The following EPC1 variants were observed in gnomAD, a reference collection of about 807,000 sequenced individuals.
The protein encoded by EPC1 is enhancer of polycomb 1, also known as enhancer of polycomb homolog 1.
In EPC1, 12 loss-of-function variants were observed where a neutral mutation model predicts 98.4. The observed-to-expected ratio is 0.12, with a 90% CI of 0.08 to 0.20. The LOEUF is 0.20. Among genes scored for constraint, EPC1 ranks in the 10% least tolerant of loss-of-function variants. EPC1 has a pLI of 1.00. For synonymous variants in EPC1, 357 were observed against 363.9 expected (o/e 0.98, Z 0.21); for missense variants, 729 against 990.5 (o/e 0.74, Z 3.54).
chr10:32,299,346 A>T (rs3121814), intron 2 of EPC1, among the ~76,000 whole-genome samples: 9 of 152,168 alleles, frequency 5.9e-5, no homozygotes, highest in Middle Eastern at 3.4e-3. Flanking sequence ...CCACCATGCC[A>T]GGCTAATTTT....
At chr10:32,332,052 A>T (rs771557417) in intron 1 of EPC1, among the ~76,000 whole-genome samples, 1 of 152,240 alleles carries the variant, frequency 6.6e-6, no homozygotes, top group African/African-American at 2.4e-5. Context: ...ATTTTTCCAG[A>T]ACTATTTAAA....
At chr10:32,297,540 G>A (rs1317161639) in intron 2 of EPC1, among the ~76,000 whole-genome samples, 1 of 151,956 alleles carries the variant, frequency 6.6e-6, no homozygotes, top group Non-Finnish European at 1.5e-5. Flanking sequence ...GCCCGCCTTG[G>A]CCTCCCAAAG....
chr10:32,290,505 A>AAAAAAAAAAAAAAAAGAAAG (rs1554819136), intron 6 of EPC1, among the ~76,000 whole-genome samples: 7 of 77,524 alleles, frequency 9.0e-5, no homozygotes, highest in African/African-American at 3.9e-4. Flanking sequence ...AAAAAAAAAA[A>AAAAAAAAAAAAAAAAGAAAG]AAAGAAAGAA....
chr10:32,347,186 C>G, upstream of EPC1: 3 of 1,288,050 alleles, frequency 2.3e-6, no homozygotes, highest in Non-Finnish European at 2.0e-6. Flanking sequence ...CCAGCCATTC[C>G]CCACACTGCA....
At chr10:32,351,136 T>C (rs2133082027), upstream of EPC1, among the ~76,000 whole-genome samples, 1 of 152,330 alleles carries the variant, frequency 6.6e-6, no homozygotes, top group East Asian at 1.9e-4. Flanking sequence ...TCACAATGCA[T>C]GTCACCAAGT....
At chr10:32,340,969 T>C (rs1301990378) in intron 1 of EPC1, among the ~76,000 whole-genome samples, 4 of 152,240 alleles carry the variant, frequency 2.6e-5, no homozygotes, top group African/African-American at 9.6e-5. Flanking sequence ...TCCAAAAGTC[T>C]ACTTTAAAAG....
intron 3 of EPC1, 52 bp from the exon 4 acceptor site, chr10:32,293,246 T>G (rs1394308015): frequency 7.4e-7 from 1 of 1,344,200 alleles, no homozygotes; most frequent in South Asian, 1.3e-5. Context: ...ACAAGGTTCA[T>G]AAGTATTTAC....
chr10:32,305,541 A>G (rs761294203), intron 2 of EPC1, among the ~76,000 whole-genome samples: 27 of 151,682 alleles, frequency 1.8e-4, no homozygotes, highest in Non-Finnish European at 3.7e-4. Context: ...CTAAAGCAGC[A>G]TAAGATTGTA....
chr10:32,312,806 T>C (rs1264781987), intron 1 of EPC1, among the ~76,000 whole-genome samples: 1 of 152,102 alleles, frequency 6.6e-6, no homozygotes, highest in East Asian at 1.9e-4. Context: ...TAAAATAACA[T>C]TAAATAAGAA....
At chr10:32,326,362 A>C (rs1189791554) in intron 1 of EPC1, among the ~76,000 whole-genome samples, 2 of 152,172 alleles carry the variant, frequency 1.3e-5, no homozygotes, top group East Asian at 3.9e-4. Context: ...AAATCTTTCA[A>C]TGCACTCTTC....
intron 1 of EPC1, among the ~76,000 whole-genome samples, chr10:32,358,669 A>G (rs1839355010): frequency 1.3e-5 from 2 of 150,942 alleles, no homozygotes; most frequent in Admixed American, 6.6e-5. Flanking sequence ...GGGGGAAGAA[A>G]GTGGGTTTAA....
At chr10:32,337,212 G>A (rs1017911340) in intron 1 of EPC1, among the ~76,000 whole-genome samples, 2 of 152,154 alleles carry the variant, frequency 1.3e-5, no homozygotes, top group African/African-American at 4.8e-5. Context: ...GAACTAATCT[G>A]GCCTCGGCCT....
At chr10:32,289,626 AT>A (rs758760913) in intron 6 of EPC1, among the ~76,000 whole-genome samples, 508 of 142,818 alleles carry the variant, frequency 3.6e-3, no homozygotes, top group East Asian at 4.3e-3. Flanking sequence ...GTTTCATGAA[AT>A]TTTTTTTTTT....
At chr10:32,322,331 ATAATC>A (rs1836977697) in intron 1 of EPC1, among the ~76,000 whole-genome samples, 1 of 152,158 alleles carries the variant, frequency 6.6e-6, no homozygotes, top group Admixed American at 6.5e-5. Context: ...ACAAAATAAT[ATAATC>A]TTTTTACAGA....
intron 1 of EPC1, 112 bp from the exon 2 acceptor site, chr10:32,306,043 G>T: frequency 1.1e-6 from 1 of 890,964 alleles, no homozygotes; most frequent in South Asian, 2.5e-5. Context: ...AGAGATTCTA[G>T]TAGTAGATCT....
intron 2 of EPC1, among the ~76,000 whole-genome samples, chr10:32,297,775 G>A (rs1345891378): frequency 6.6e-6 from 1 of 151,222 alleles, no homozygotes; most frequent in African/African-American, 2.4e-5. Context: ...AATACAACAG[G>A]ACTTATACAT....
At chr10:32,279,843 T>C (rs976293692) in intron 10 of EPC1, among the ~76,000 whole-genome samples, 2 of 152,196 alleles carry the variant, frequency 1.3e-5, no homozygotes, top group Non-Finnish European at 2.9e-5. Context: ...CAAAATCACC[T>C]ATTAACTGAA....
intron 1 of EPC1, among the ~76,000 whole-genome samples, chr10:32,324,953 T>C (rs1592598764): frequency 6.6e-6 from 1 of 152,078 alleles, no homozygotes; most frequent in Non-Finnish European, 1.5e-5. Context: ...TGAGCAGAGA[T>C]CCTGCCACTG....
intron 10 of EPC1, among the ~76,000 whole-genome samples, chr10:32,274,305 G>A (rs1351606168): frequency 6.6e-6 from 1 of 152,074 alleles, no homozygotes; most frequent in East Asian, 1.9e-4. Context: ...AAAGTTTAAT[G>A]TTTTCAAAAT....
Sources: allele counts gnomAD v4.1 joint callset (sites outside exome capture counted in the v4.1 genomes callset), GRCh38; gene constraint gnomAD v4.1.1; transcripts MANE v1.5; gene names NCBI Gene and HGNC (gene_info 2026-07-23, HGNC 2026-07-21).